The following GPHN variants were observed in gnomAD, a reference collection of about 807,000 sequenced individuals.
The protein encoded by GPHN is gephyrin.
In GPHN, 17 loss-of-function variants were observed where a neutral mutation model predicts 95.5. The ratio of observed to expected loss-of-function variants is 0.18; its 90% CI spans 0.12 to 0.27. The LOEUF is 0.27. Among genes scored for constraint, GPHN ranks in the 10% least tolerant of loss-of-function variants. The pLI, the probability that GPHN is intolerant of heterozygous loss-of-function variation, is 1.00. For missense variants in GPHN, 660 were observed against 978.1 expected, an observed-to-expected ratio of 0.67 and a Z score of 4.34; for synonymous variants, 320 against 322.5, an observed-to-expected ratio of 0.99 and a Z score of 0.08.
At chr14:67,203,601 T>C in the GPHN span, among the ~76,000 whole-genome samples, 5 of 152,204 alleles carry the variant, frequency 3.3e-5, no homozygotes, top group African/African-American at 1.2e-4. Context: ...TTAGCTCTGG[T>C]CCTGTCTCAG....
chr14:66,723,878 C>T (rs2070980235), intron 2 of GPHN, among the ~76,000 whole-genome samples: 1 of 151,588 alleles, frequency 6.6e-6, no homozygotes, highest in Admixed American at 6.6e-5. Flanking sequence ...TTAGGAATAC[C>T]TAGTTTATAC....
chr14:67,549,773 A>C, the GPHN span, among the ~76,000 whole-genome samples: 3 of 152,218 alleles, frequency 2.0e-5, no homozygotes, highest in African/African-American at 7.2e-5. Context: ...ACTGTTTCTT[A>C]CAGTGTGGTC....
At chr14:67,451,964 A>G in the GPHN span, among the ~76,000 whole-genome samples, 1 of 152,158 alleles carries the variant, frequency 6.6e-6, no homozygotes, top group Non-Finnish European at 1.5e-5. Context: ...AGATGATTGA[A>G]TCATCAGGGT....
intron 4 of GPHN, among the ~76,000 whole-genome samples, chr14:66,850,532 G>A (rs2062536833): frequency 1.3e-5 from 2 of 152,150 alleles, no homozygotes; most frequent in African/African-American, 2.4e-5. Context: ...GAAACTATAT[G>A]TATAAATGGT....
chr14:66,630,340 TAAA>T (rs2063742711), intron 1 of GPHN, among the ~76,000 whole-genome samples: 1 of 152,008 alleles, frequency 6.6e-6, no homozygotes, highest in South Asian at 2.1e-4. Flanking sequence ...TATCCTGAAA[TAAA>T]AAGAATCTGA....
chr14:66,524,189 G>T (rs1253308679), intron 1 of GPHN, among the ~76,000 whole-genome samples: 1 of 152,036 alleles, frequency 6.6e-6, no homozygotes, highest in Non-Finnish European at 1.5e-5. Context: ...TAGTTAAAAA[G>T]GTGTTTTTAA....
At chr14:66,718,346 C>T (rs147670056) in intron 2 of GPHN, among the ~76,000 whole-genome samples, 2,955 of 152,186 alleles carry the variant, frequency 0.019, 37 homozygotes, top group Middle Eastern at 0.034. Context: ...GTGGCACGTC[C>T]GGAGTTGTTT....
the GPHN span, among the ~76,000 whole-genome samples, chr14:67,339,173 T>C: frequency 6.6e-6 from 1 of 152,084 alleles, no homozygotes; most frequent in African/African-American, 2.4e-5. Context: ...TTTTTTGTAT[T>C]TTTAGTAGAG....
the GPHN span, chr14:67,316,934 G>A: frequency 2.6e-6 from 4 of 1,542,524 alleles, no homozygotes; most frequent in African/African-American, 2.7e-5. Flanking sequence ...ATAAGTAAAT[G>A]GTTTCTTGGG....
chr14:67,022,568 GGTGTGTGTGTGTGTGTGT>G (rs72312422), intron 9 of GPHN, among the ~76,000 whole-genome samples: 1 of 20,874 alleles, frequency 4.8e-5, no homozygotes, highest in African/African-American at 2.1e-4. Context: ...TTTTTTTTTT[GGTGTGTGTGTGTGTGTGT>G]GTGTGTGTGT....
At chr14:66,908,245 C>T (rs931714311) in intron 5 of GPHN, among the ~76,000 whole-genome samples, 4 of 151,502 alleles carry the variant, frequency 2.6e-5, no homozygotes, top group African/African-American at 9.7e-5. Flanking sequence ...TGGTATATCT[C>T]GTAGTGCTTA....
chr14:67,107,986 A>G (rs1446117834), intron 13 of GPHN, among the ~76,000 whole-genome samples: 2 of 152,200 alleles, frequency 1.3e-5, no homozygotes, highest in Admixed American at 6.5e-5. Flanking sequence ...TGTGTGCAAC[A>G]TACTTTCTAA....
chr14:66,913,257 C>G (rs1484360289), intron 5 of GPHN, among the ~76,000 whole-genome samples: 1 of 152,148 alleles, frequency 6.6e-6, no homozygotes, highest in Non-Finnish European at 1.5e-5. Context: ...ACAATATACT[C>G]AAAATGCACT....
At chr14:67,645,941 C>T in the GPHN span, 6 of 994,012 alleles carry the variant, frequency 6.0e-6, no homozygotes, top group Non-Finnish European at 8.8e-6. Flanking sequence ...TATTATGGAC[C>T]AGGCAGTCTG....
At chr14:66,812,921 T>C (rs2060818628) in intron 3 of GPHN, among the ~76,000 whole-genome samples, 1 of 152,234 alleles carries the variant, frequency 6.6e-6, no homozygotes, top group African/African-American at 2.4e-5. Context: ...AAAATTATCT[T>C]TGACTACAAG....
At chr14:67,216,684 T>C in the GPHN span, among the ~76,000 whole-genome samples, 3 of 152,208 alleles carry the variant, frequency 2.0e-5, no homozygotes, top group Non-Finnish European at 1.5e-5. Context: ...AGCATGTTGT[T>C]TAATTTTTAT....
intron 4 of GPHN, among the ~76,000 whole-genome samples, chr14:66,829,233 G>T (rs889475733): frequency 6.6e-6 from 1 of 151,608 alleles, no homozygotes; most frequent in East Asian, 1.9e-4. Context: ...AATTACAGGC[G>T]TGCACCACCA....
intron 2 of GPHN, among the ~76,000 whole-genome samples, chr14:66,686,711 G>C (rs7141819): frequency 0.34 from 51,959 of 152,030 alleles, 13,408 homozygotes; most frequent in African/African-American, 0.7. Flanking sequence ...GACAATTTGA[G>C]TTCTTCTTTT....
chr14:66,873,029 C>G (rs533712244), intron 4 of GPHN, among the ~76,000 whole-genome samples: 1 of 152,300 alleles, frequency 6.6e-6, no homozygotes, highest in African/African-American at 2.4e-5. Flanking sequence ...CAACGCCCAG[C>G]AAGATCAACG....
Sources: gnomAD v4.1 joint callset for allele counts (sites outside exome capture counted in the v4.1 genomes callset) on GRCh38, gnomAD v4.1.1 for gene constraint, MANE v1.5 for transcripts, NCBI Gene and HGNC (gene_info 2026-07-23, HGNC 2026-07-21) for gene names.